Variants in MACROD2 observed in about 807,000 individuals in gnomAD.
MACROD2 encodes the protein mono-ADP ribosylhydrolase 2, also known as ADP-ribose glycohydrolase MACROD2.
In MACROD2, 36 loss-of-function variants were observed where a neutral mutation model predicts 70.4. The ratio of observed to expected loss-of-function variants is 0.51; its 90% confidence interval spans 0.39 to 0.68. The LOEUF (loss-of-function observed/expected upper bound fraction) is 0.68, where lower values mean the gene tolerates loss of function less well. Among genes scored for constraint, MACROD2 ranks in the 30% least tolerant of loss-of-function variants. The probability of loss-of-function intolerance (pLI) is 0.00; values close to 1 mark genes in which losing one functional copy is unlikely to be tolerated. For synonymous variants in MACROD2, 172 were observed against 178.8 expected (o/e 0.96, Z 0.30); for missense variants, 496 against 538.4 (o/e 0.92, Z 0.78).
chr20:15,658,502 G>A (rs2049767665), intron 8 of MACROD2, among the ~76,000 whole-genome samples: 1 of 152,162 alleles, frequency 6.6e-6, no homozygotes, highest in Admixed American at 6.5e-5. Context: ...TTTCTCTTCA[G>A]AGATCTATGA....
chr20:15,022,201 GC>G (rs747545503), intron 5 of MACROD2, among the ~76,000 whole-genome samples: 9 of 151,976 alleles, frequency 5.9e-5, no homozygotes, highest in Non-Finnish European at 1.2e-4. Context: ...ATTATTTGTT[GC>G]TGTATACAAC....
intron 3 of MACROD2, among the ~76,000 whole-genome samples, chr20:14,186,766 T>C (rs2081348190): frequency 1.3e-5 from 2 of 152,190 alleles, no homozygotes; most frequent in Admixed American, 6.6e-5. Flanking sequence ...TACGCAGCTA[T>C]AGAAAAGAAC....
At chr20:14,969,670 G>T (rs1466527612) in intron 5 of MACROD2, among the ~76,000 whole-genome samples, 1 of 152,018 alleles carries the variant, frequency 6.6e-6, no homozygotes, top group South Asian at 2.1e-4. Context: ...AAAGTTGAAA[G>T]GACTTGGCCT....
chr20:15,805,783 C>T (rs7352531), intron 8 of MACROD2, among the ~76,000 whole-genome samples: 46 of 152,194 alleles, frequency 3.0e-4, no homozygotes, highest in African/African-American at 9.1e-4. Flanking sequence ...GCCAAAAATA[C>T]GGAATGTTTC....
intron 13 of MACROD2, among the ~76,000 whole-genome samples, chr20:15,983,448 C>A (rs918825157): frequency 5.9e-5 from 9 of 152,128 alleles, no homozygotes; most frequent in Non-Finnish European, 1.3e-4. Flanking sequence ...GGATGAACAA[C>A]GGCTGACTGA....
chr20:15,469,871 A>C lies in MACROD2; in HGVS notation c.572-29903A>C, dbSNP rs557957197. ...TCTTTTTTTAACTTATTTTACCCTC[A>C]TAATGATATGAGGTCTCTTTATTTC... On this transcript the variant is annotated intron_variant, in intron 7 of 17. Coordinates refer to ENST00000684519, the MANE Select transcript of MACROD2 (RefSeq NM_001351661.2). 2.6e-5 allele frequency among the ~76,000 whole-genome samples: 4 copies of C among 152,278 alleles called. 1 individual carries two copies. In the South Asian group the frequency reaches 8.3e-4, roughly 32 times the overall value.
At chr20:15,823,794 A>G (rs1444497137) in intron 8 of MACROD2, among the ~76,000 whole-genome samples, 3 of 152,182 alleles carry the variant, frequency 2.0e-5, no homozygotes, top group Non-Finnish European at 4.4e-5. Flanking sequence ...AGACGGGGCC[A>G]TGGCTTATAG....
chr20:14,572,296 C>T (rs982379386), intron 4 of MACROD2, among the ~76,000 whole-genome samples: 6 of 151,966 alleles, frequency 3.9e-5, no homozygotes, highest in African/African-American at 1.2e-4. Flanking sequence ...ATATTTACAG[C>T]CTGGAGCAAT....
chr20:14,130,495 G>T (rs2054703060), intron 3 of MACROD2, among the ~76,000 whole-genome samples: 2 of 152,014 alleles, frequency 1.3e-5, no homozygotes, highest in Non-Finnish European at 2.9e-5. Context: ...AGTGAGTCGA[G>T]ATCACGCCAC....
intron 3 of MACROD2, among the ~76,000 whole-genome samples, chr20:14,144,831 T>G (rs1479309684): frequency 6.6e-6 from 1 of 152,210 alleles, no homozygotes; most frequent in Non-Finnish European, 1.5e-5. Flanking sequence ...TCCATAATTA[T>G]GGGGGTGTTG....
chr20:15,359,756 A>G (rs2078330370), intron 6 of MACROD2, among the ~76,000 whole-genome samples: 1 of 152,178 alleles, frequency 6.6e-6, no homozygotes, highest in South Asian at 2.1e-4. Context: ...AAATAACTAT[A>G]AATTCACAGG....
chr20:15,918,985 GA>G (rs2065360952), intron 10 of MACROD2, among the ~76,000 whole-genome samples: 1 of 152,208 alleles, frequency 6.6e-6, no homozygotes, highest in African/African-American at 2.4e-5. Flanking sequence ...TGAGAGGGAT[GA>G]GGCATTAGAC....
At chr20:15,311,872 C>T (rs1333455822) in intron 6 of MACROD2, among the ~76,000 whole-genome samples, 3 of 152,104 alleles carry the variant, frequency 2.0e-5, no homozygotes, top group Non-Finnish European at 2.9e-5. Context: ...GTTTCTCAAA[C>T]CTCAGCGTCA....
rs1243075417 is a variant in MACROD2 at position 15,551,127 on chromosome 20, G to A, written c.645+51280G>A. Reference sequence around the variant, plus strand: ...CAATGTGAAGCCAGGGAGGGCTGTGGAGGTTCAGCTGCTCCATTTATAGGC... The same window carrying A: ...CAATGTGAAGCCAGGGAGGGCTGTGAAGGTTCAGCTGCTCCATTTATAGGC... On this transcript the variant is annotated intron_variant, in intron 8 of 17. Transcript: ENST00000684519. Among the ~76,000 whole-genome samples the A allele has an allele frequency of 2.6e-5, 4 of 152,192 alleles. No homozygotes were observed. In the East Asian group the frequency reaches 7.7e-4, roughly 29 times the overall value.
chr20:15,961,285 G>A (rs1337336998), intron 12 of MACROD2, among the ~76,000 whole-genome samples: 5 of 152,216 alleles, frequency 3.3e-5, no homozygotes, highest in South Asian at 2.1e-4. Flanking sequence ...ATTGATGTTC[G>A]GGAGAAGTCA....
chr20:14,751,428 T>C (rs1406458117), intron 5 of MACROD2, among the ~76,000 whole-genome samples: 1 of 152,180 alleles, frequency 6.6e-6, no homozygotes, highest in East Asian at 1.9e-4. Flanking sequence ...TCTGTCTCTT[T>C]TCTTCTTTGC....
chr20:14,578,263 A>T (rs1296225092), intron 4 of MACROD2, among the ~76,000 whole-genome samples: 1 of 151,940 alleles, frequency 6.6e-6, no homozygotes, highest in African/African-American at 2.4e-5. Flanking sequence ...AATAAATATA[A>T]GCTATTTTAA....
intron 3 of MACROD2, among the ~76,000 whole-genome samples, chr20:14,215,538 T>G (rs537893105): frequency 4.6e-5 from 7 of 152,300 alleles, no homozygotes; most frequent in Admixed American, 1.3e-4. Context: ...GTAATGGGAT[T>G]GCTGGATCAA....
At chr20:14,781,304 C>G (rs893680636) in intron 5 of MACROD2, among the ~76,000 whole-genome samples, 4 of 151,702 alleles carry the variant, frequency 2.6e-5, no homozygotes, top group Non-Finnish European at 5.9e-5. Flanking sequence ...ATTCTATAGG[C>G]ATTTCTGTAT....
Sources: gnomAD v4.1 joint callset for allele counts (sites outside exome capture counted in the v4.1 genomes callset) on GRCh38, gnomAD v4.1.1 for gene constraint, MANE v1.5 for transcripts, NCBI Gene and HGNC (gene_info 2026-07-23, HGNC 2026-07-21) for gene names.